Variants in MYO1E observed in about 807,000 individuals in gnomAD.
The protein encoded by MYO1E is myosin IE, also known as unconventional myosin-Ie.
Under a neutral mutation model 151.1 loss-of-function variants are expected in MYO1E, and 68 were observed. That is an observed-to-expected ratio of 0.45 (90% CI 0.37 to 0.55). MYO1E has a LOEUF of 0.55. MYO1E is among the 20% of genes least tolerant of loss of function. MYO1E has a pLI of 0.00. For synonymous variants in MYO1E, 601 were observed against 501.7 expected, an observed-to-expected ratio of 1.20 and a Z score of -2.64; for missense variants, 1,363 against 1,389.3, an observed-to-expected ratio of 0.98 and a Z score of 0.30.
chr15:59,297,567 A>G (rs2080458106), intron 1 of MYO1E, among the ~76,000 whole-genome samples: 1 of 150,644 alleles, frequency 6.6e-6, no homozygotes, highest in Non-Finnish European at 1.5e-5. Context: ...AAAAGCCACC[A>G]TGTCTGGCTT....
intron 3 of MYO1E, among the ~76,000 whole-genome samples, chr15:59,257,295 C>G (rs554008373): frequency 6.6e-6 from 1 of 152,262 alleles, no homozygotes; most frequent in South Asian, 2.1e-4. Flanking sequence ...GGAGTCTAGT[C>G]TCCACACACA....
intron 23 of MYO1E, 66 bp downstream of exon 23, chr15:59,163,091 G>A (rs1045690641): frequency 1.2e-5 from 19 of 1,569,530 alleles, no homozygotes; most frequent in African/African-American, 6.8e-5. Flanking sequence ...ATCCTGAATC[G>A]CAGGGGTGCG....
intron 23 of MYO1E, 34 bp downstream of exon 23, chr15:59,163,123 C>A: frequency 1.2e-6 from 2 of 1,612,282 alleles, no homozygotes; most frequent in South Asian, 1.1e-5. Context: ...TTTTTAGCTA[C>A]ACGCAGAAGT....
intron 2 of MYO1E, among the ~76,000 whole-genome samples, chr15:59,271,869 G>A (rs1345483823): frequency 2.6e-5 from 4 of 152,210 alleles, no homozygotes; most frequent in Non-Finnish European, 5.9e-5. Flanking sequence ...CAGATACCAC[G>A]TGCATGACTA....
chr15:59,370,215 A>G (rs1227673899), intron 1 of MYO1E, among the ~76,000 whole-genome samples: 1 of 152,188 alleles, frequency 6.6e-6, no homozygotes, highest in Non-Finnish European at 1.5e-5. Flanking sequence ...AAGGGATACA[A>G]CTTGGGCAGG....
chr15:59,240,316 A>G (rs1455208471), intron 4 of MYO1E, among the ~76,000 whole-genome samples: 1 of 152,224 alleles, frequency 6.6e-6, no homozygotes, highest in African/African-American at 2.4e-5. Context: ...ATTTTAAATC[A>G]AAGTCATAAC....
intron 14 of MYO1E, among the ~76,000 whole-genome samples, chr15:59,205,846 T>C (rs566092700): frequency 6.6e-6 from 1 of 152,284 alleles, no homozygotes; most frequent in South Asian, 2.1e-4. Flanking sequence ...TCAATACTTT[T>C]CCTAAATTTT....
intron 4 of MYO1E, among the ~76,000 whole-genome samples, chr15:59,250,890 C>T (rs2080160543): frequency 6.6e-6 from 1 of 152,178 alleles, no homozygotes; most frequent in African/African-American, 2.4e-5. Context: ...TGGGCATCAT[C>T]CCGCTTCAGT....
intron 4 of MYO1E, among the ~76,000 whole-genome samples, chr15:59,241,508 C>G (rs1017082316): frequency 3.3e-5 from 5 of 152,092 alleles, no homozygotes; most frequent in African/African-American, 9.7e-5. Flanking sequence ...CAAGAGCAGC[C>G]TGGCCGACAT....
intron 2 of MYO1E, among the ~76,000 whole-genome samples, chr15:59,269,087 C>T (rs916546131): frequency 3.3e-5 from 5 of 152,024 alleles, no homozygotes; most frequent in East Asian, 1.9e-4. Context: ...CCATTTATAA[C>T]GGTTTCTGTG....
intron 4 of MYO1E, among the ~76,000 whole-genome samples, chr15:59,253,485 T>TC (rs796945577): frequency 1.3e-4 from 20 of 148,880 alleles, no homozygotes; most frequent in African/African-American, 4.9e-4. Flanking sequence ...GATCGAGTTT[T>TC]TTTTTTTTTT....
At chr15:59,315,893 T>C (rs1033522461) in intron 1 of MYO1E, among the ~76,000 whole-genome samples, 3 of 152,228 alleles carry the variant, frequency 2.0e-5, no homozygotes, top group African/African-American at 7.2e-5. Flanking sequence ...ATTAGAGCAC[T>C]AACTTGAACT....
chr15:59,234,545 C>T (rs1242864879), intron 5 of MYO1E, among the ~76,000 whole-genome samples: 2 of 152,180 alleles, frequency 1.3e-5, no homozygotes, highest in South Asian at 2.1e-4. Context: ...AGGGGCCAGA[C>T]ATGGTGGCTC....
At position 59,257,990 on chromosome 15, in the gene MYO1E, C is replaced by T. The variant is rs1185647040; in HGVS notation, c.238-1612G>A. Among the ~76,000 whole-genome samples the T allele has an allele frequency of 6.6e-5, 10 of 152,184 alleles. 1 individual carries two copies. Among genetic ancestry groups the T allele is most frequent in the Admixed American group, 6.5e-4 (10 of 15,288 alleles). On this transcript the variant is annotated intron_variant, in intron 3 of 27. Coordinates refer to ENST00000288235, the MANE Select transcript of MYO1E (RefSeq NM_004998.4). ...CCGCCCTGGAACAAGAATAGATTCACAGAGCCTCCAGTGCTGCCATATGCC... is the reference window on the plus strand; with the variant it reads ...CCGCCCTGGAACAAGAATAGATTCATAGAGCCTCCAGTGCTGCCATATGCC...
At chr15:59,341,924 T>C (rs2080767976) in intron 1 of MYO1E, among the ~76,000 whole-genome samples, 2 of 152,238 alleles carry the variant, frequency 1.3e-5, no homozygotes. Context: ...GCTCTGTTTT[T>C]AGTTTTTAAG....
intron 1 of MYO1E, among the ~76,000 whole-genome samples, chr15:59,356,520 C>T (rs1181595999): frequency 1.3e-5 from 2 of 152,160 alleles, no homozygotes; most frequent in Admixed American, 1.3e-4. Context: ...AAGGAAAAGA[C>T]CTGGGGGTAG....
At chr15:59,343,359 C>G (rs768281755) in intron 1 of MYO1E, among the ~76,000 whole-genome samples, 2 of 151,800 alleles carry the variant, frequency 1.3e-5, no homozygotes, top group African/African-American at 4.8e-5. Flanking sequence ...ACAGTTTCCA[C>G]TGAAAAGTCT....
intron 22 of MYO1E, among the ~76,000 whole-genome samples, chr15:59,165,625 A>G (rs1361997443): frequency 6.6e-6 from 1 of 152,220 alleles, no homozygotes; most frequent in African/African-American, 2.4e-5. Context: ...TGCCAGTTCC[A>G]TAGTGCCTGG....
At chr15:59,247,039 T>G (rs1386252827) in intron 4 of MYO1E, among the ~76,000 whole-genome samples, 1 of 152,044 alleles carries the variant, frequency 6.6e-6, no homozygotes, top group East Asian at 1.9e-4. Context: ...CTACAAAAAA[T>G]TTAAAAATTA....
Sources: gnomAD v4.1 joint callset for allele counts (sites outside exome capture counted in the v4.1 genomes callset) on GRCh38, gnomAD v4.1.1 for gene constraint, MANE v1.5 for transcripts, NCBI Gene and HGNC (gene_info 2026-07-23, HGNC 2026-07-21) for gene names.